ARID1B: variants seen among roughly 807,000 people sequenced by gnomAD.
ARID1B encodes the protein AT-rich interactive domain-containing protein 1B.
A neutral mutation model predicts 212.3 loss-of-function variants in ARID1B; 30 were observed. The ratio of observed to expected loss-of-function variants is 0.14; its 90% CI spans 0.11 to 0.19. The LOEUF (loss-of-function observed/expected upper bound fraction) is 0.19, where lower values mean the gene tolerates loss of function less well. Ranked by LOEUF, ARID1B falls within the 10% of genes least tolerant of loss-of-function variation. The pLI, the probability that ARID1B is intolerant of heterozygous loss-of-function variation, is 1.00. For synonymous variants in ARID1B, 1,402 were observed against 1,301.7 expected (o/e 1.08, Z -1.66); for missense variants, 2,891 against 3,204.0 (o/e 0.90, Z 2.36).
chr6:156,854,784 G>A (rs1242543785), intron 2 of ARID1B, among the ~76,000 whole-genome samples: 3 of 152,216 alleles, frequency 2.0e-5, no homozygotes, highest in African/African-American at 4.8e-5. Context: ...GATTTAGGAA[G>A]GTTTTATTGA....
chr6:156,957,639 G>A (rs1794067567), intron 4 of ARID1B, among the ~76,000 whole-genome samples: 1 of 152,190 alleles, frequency 6.6e-6, no homozygotes, highest in Admixed American at 6.5e-5. Context: ...TACAAATGAT[G>A]TCTGTTGATA....
chr6:156,798,838 T>C (rs1780575332), intron 1 of ARID1B, among the ~76,000 whole-genome samples: 1 of 151,388 alleles, frequency 6.6e-6, no homozygotes, highest in African/African-American at 2.5e-5. Flanking sequence ...TCAGCATGAG[T>C]AAATGTTGTT....
chr6:157,115,293 G>A (rs1021101894), intron 6 of ARID1B, among the ~76,000 whole-genome samples: 1 of 152,168 alleles, frequency 6.6e-6, no homozygotes, highest in African/African-American at 2.4e-5. Flanking sequence ...GGCATCATAG[G>A]TTACAAATGG....
In ARID1B at chr6:156,778,912, G is replaced by A; in HGVS notation, c.1232G>A (p.Gly411Glu). 2 of 1,340,922 alleles carry A rather than the reference G, an allele frequency of 1.5e-6. No homozygotes were observed. The highest frequency in any genetic ancestry group is 1.9e-6 in the Non-Finnish European group (2 of 1,051,326). 83.1% of individuals were successfully genotyped at this position (1,340,922 alleles called of 1,614,324 possible). The change falls in exon 1 of 20, where the codon GGA (glycine) becomes GAA (glutamate). Residue 411 changes from glycine to glutamate, a missense_variant. This residue lies in a region of ARID1B where 1,643 missense variants were observed against 1,544.0 expected (regional missense o/e 1.06). Coordinates refer to ENST00000636930, the MANE Select transcript of ARID1B (RefSeq NM_001374828.1). ...AGCGGAGGAGGAGGAGGAGGAGGAGGAGCAGGAGCAGGAGGAGCAGGAGCG... is the reference window on the plus strand; with the variant it reads ...AGCGGAGGAGGAGGAGGAGGAGGAGAAGCAGGAGCAGGAGGAGCAGGAGCG... ...GGSGGGGGGG[G>E]AGAGGAGAGA...
intron 4 of ARID1B, among the ~76,000 whole-genome samples, chr6:157,021,177 T>G (rs1322610728): frequency 6.6e-6 from 1 of 152,082 alleles, no homozygotes; most frequent in Non-Finnish European, 1.5e-5. Flanking sequence ...CCGCCAGCTC[T>G]CAGGCCTCGC....
chr6:156,922,997 G>C (rs991383475), intron 3 of ARID1B, among the ~76,000 whole-genome samples: 1 of 152,210 alleles, frequency 6.6e-6, no homozygotes, highest in Non-Finnish European at 1.5e-5. Flanking sequence ...GGTTCTTGGA[G>C]CAAGAATCAG....
intron 4 of ARID1B, among the ~76,000 whole-genome samples, chr6:156,988,010 T>G (rs1778038814): frequency 6.6e-6 from 1 of 152,304 alleles, no homozygotes; most frequent in South Asian, 2.1e-4. Flanking sequence ...GTGGAAATGG[T>G]CAATATCTTA....
intron 3 of ARID1B, among the ~76,000 whole-genome samples, chr6:156,903,401 C>T (rs1789108240): frequency 6.6e-6 from 1 of 151,998 alleles, no homozygotes; most frequent in Non-Finnish European, 1.5e-5. Context: ...AAACATTGCT[C>T]AAAATACATT....
intron 4 of ARID1B, among the ~76,000 whole-genome samples, chr6:157,029,542 A>T (rs1490222023): frequency 6.6e-6 from 1 of 152,244 alleles, no homozygotes; most frequent in Non-Finnish European, 1.5e-5. Context: ...GAGAAAGGTG[A>T]TACACAAATG....
intron 8 of ARID1B, among the ~76,000 whole-genome samples, chr6:157,160,479 A>C (rs1790856366): frequency 6.6e-6 from 1 of 152,022 alleles, no homozygotes; most frequent in African/African-American, 2.4e-5. Context: ...GTGCTCCACC[A>C]CCTGTTCCAG....
At chr6:156,903,649 T>C (rs1400142531) in intron 3 of ARID1B, among the ~76,000 whole-genome samples, 1 of 152,208 alleles carries the variant, frequency 6.6e-6, no homozygotes, top group Non-Finnish European at 1.5e-5. Flanking sequence ...GTAATCCCCC[T>C]AAATCTATCC....
rs1177807875 is a variant in ARID1B, at chr6:157,004,897, C to CTTTTTTT, written c.2247+69349_2247+69355dup. Among the ~76,000 whole-genome samples, 66 of 54,632 alleles carry CTTTTTTT rather than the reference C, an allele frequency of 1.2e-3. 3 individuals carry two copies. Among genetic ancestry groups the CTTTTTTT allele is most frequent in the Non-Finnish European group, 1.6e-3 (44 of 27,252 alleles). The allele number at this position is 54,632 out of a possible 152,430, so 35.8% of individuals were successfully genotyped here. Reference sequence around the variant, plus strand: ...TTTTTTCTTTTTCTTCTTCTTTTTTCTTTTTTTTTTTTTTTTTTTTTTTTT... The same window carrying CTTTTTTT: ...TTTTTTCTTTTTCTTCTTCTTTTTTCTTTTTTTTTTTTTTTTTTTTTTTTTTTTTTTT... On this transcript the variant is annotated intron_variant, in intron 4 of 19. Coordinates refer to ENST00000636930, the MANE Select transcript of ARID1B (RefSeq NM_001374828.1).
chr6:156,950,843 A>G (rs780128532), intron 4 of ARID1B, among the ~76,000 whole-genome samples: 3 of 152,160 alleles, frequency 2.0e-5, no homozygotes, highest in Non-Finnish European at 4.4e-5. Context: ...ACTTACTGTT[A>G]CCAGTTTTAC....
intron 2 of ARID1B, among the ~76,000 whole-genome samples, chr6:156,884,727 A>G (rs772519001): frequency 3.9e-5 from 6 of 152,250 alleles, no homozygotes; most frequent in Non-Finnish European, 7.3e-5. Context: ...TCTGAGATTC[A>G]GGAACCACCG....
At chr6:156,995,095 C>T (rs886826304) in intron 4 of ARID1B, among the ~76,000 whole-genome samples, 11 of 152,230 alleles carry the variant, frequency 7.2e-5, no homozygotes, top group Non-Finnish European at 1.6e-4. Flanking sequence ...GCACGTCTGT[C>T]TCTGAAGAGG....
At chr6:156,872,282 T>C (rs993172697) in intron 2 of ARID1B, among the ~76,000 whole-genome samples, 3 of 152,202 alleles carry the variant, frequency 2.0e-5, no homozygotes, top group Non-Finnish European at 2.9e-5. Context: ...CCATTTCATC[T>C]GTTTTTGGAA....
In ARID1B at chr6:156,779,405, C is replaced by A; in HGVS notation, c.1725C>A (p.Ala575=). ...CCGCTGCCAGCCCGGCCTGGGCGGCCGCGCAACAAAGGAGTCACCCGGCGA... is the reference window on the plus strand; with the variant it reads ...CCGCTGCCAGCCCGGCCTGGGCGGCAGCGCAACAAAGGAGTCACCCGGCGA... ...QYAAASPAWA[A]AQQRSHPAMS... Residue 575 remains alanine, a synonymous_variant, in exon 1 of 20, where the codon GCC becomes GCA. Transcript: ENST00000636930. 6.9e-7 allele frequency: 1 copy of A among 1,447,490 alleles called. No homozygotes were observed. Among genetic ancestry groups the A allele is most frequent in the Non-Finnish European group, 9.1e-7 (1 of 1,096,766 alleles). 89.7% of individuals were successfully genotyped at this position (1,447,490 alleles called of 1,614,324 possible).
chr6:157,092,457 C>T (rs1399327260), intron 5 of ARID1B, among the ~76,000 whole-genome samples: 1 of 152,208 alleles, frequency 6.6e-6, no homozygotes, highest in Non-Finnish European at 1.5e-5. Flanking sequence ...AAGGCCTTTG[C>T]GTTTGAAGAA....
intron 6 of ARID1B, among the ~76,000 whole-genome samples, chr6:157,117,317 A>G (rs915777145): frequency 1.3e-5 from 2 of 152,192 alleles, no homozygotes; most frequent in African/African-American, 4.8e-5. Context: ...CATTTTTTAT[A>G]TGCTGCTTCT....
Sources: allele counts gnomAD v4.1 joint callset (sites outside exome capture counted in the v4.1 genomes callset), GRCh38; gene constraint gnomAD v4.1.1; regional missense constraint gnomAD v4.1.1; transcripts MANE v1.5; gene names NCBI Gene and HGNC (gene_info 2026-07-23, HGNC 2026-07-21).